Variants in SSH2 observed in about 807,000 individuals in gnomAD.
SSH2 encodes slingshot protein phosphatase 2, also known as protein phosphatase Slingshot homolog 2.
SSH2 carries 37 observed loss-of-function variants against 135.2 expected under a neutral mutation model. The ratio of observed to expected loss-of-function variants is 0.27; its 90% CI spans 0.21 to 0.36. The LOEUF is 0.36. SSH2 is among the 10% of genes least tolerant of loss of function. SSH2 has a pLI of 1.00. For missense variants in SSH2, 1,408 were observed against 1,765.3 expected (o/e 0.80, Z 3.63); for synonymous variants, 628 against 646.2 (o/e 0.97, Z 0.43).
At chr17:29,863,181 A>C (rs1226882487) in intron 1 of SSH2, among the ~76,000 whole-genome samples, 3 of 152,178 alleles carry the variant, frequency 2.0e-5, no homozygotes, top group Admixed American at 1.3e-4. Context: ...ACAACAACAA[A>C]AAAAGATTGC....
At chr17:29,784,238 G>A (rs1156714826) in intron 3 of SSH2, among the ~76,000 whole-genome samples, 2 of 150,736 alleles carry the variant, frequency 1.3e-5, no homozygotes, top group Non-Finnish European at 3.0e-5. Context: ...AATAAAAATA[G>A]GCTGGGCGTG....
At chr17:29,867,510 C>T (rs1362405118) in intron 1 of SSH2, among the ~76,000 whole-genome samples, 1 of 152,118 alleles carries the variant, frequency 6.6e-6, no homozygotes, top group Non-Finnish European at 1.5e-5. Flanking sequence ...AGTATGATCA[C>T]TGTATGTGTG....
At chr17:29,675,238 C>T (rs1217981456) in intron 8 of SSH2, among the ~76,000 whole-genome samples, 1 of 152,150 alleles carries the variant, frequency 6.6e-6, no homozygotes, top group Non-Finnish European at 1.5e-5. Context: ...CTTAATTTTT[C>T]AGTGAGTCTT....
Position 29,725,203 on chromosome 17 carries a change from C to T in SSH2, c.189-22141G>A, listed in dbSNP as rs982268214. Among the ~76,000 whole-genome samples, 5 of 151,362 alleles carry T rather than the reference C, an allele frequency of 3.3e-5. No homozygotes were observed. In the East Asian group the frequency reaches 7.8e-4, roughly 24 times the overall value. On this transcript the variant is annotated intron_variant, in intron 3 of 15. Transcript: ENST00000540801. The stretch of plus-strand genomic sequence containing the variant: ...TCTACTAAAAATACAAAAAATTAGC[C>T]GGGCATGGTGGTGCGTGCCTGTAGT...
chr17:29,633,317 C>T lies in SSH2; in HGVS notation c.2263-386G>A, dbSNP rs8073399. On this transcript the variant is annotated intron_variant, in intron 15 of 15. Coordinates refer to ENST00000540801, the MANE Select transcript of SSH2 (RefSeq NM_001282129.2). ...ACTATAGTAAATGAAACCTTTCCCCCGTGGCCTATCAACTTCTAGTTTGAT... is the reference window on the plus strand; with the variant it reads ...ACTATAGTAAATGAAACCTTTCCCCTGTGGCCTATCAACTTCTAGTTTGAT... Among the ~76,000 whole-genome samples, 965 of 152,300 alleles carry T rather than the reference C, an allele frequency of 6.3e-3. 8 individuals are homozygous for T. The highest frequency in any genetic ancestry group is 0.021 in the African/African-American group (893 of 41,552).
At chr17:29,661,928 T>G (rs572728403) in intron 11 of SSH2, among the ~76,000 whole-genome samples, 18 of 152,138 alleles carry the variant, frequency 1.2e-4, no homozygotes, top group Admixed American at 8.5e-4. Context: ...CAGGTTCAGT[T>G]TGAAAGACCT....
chr17:29,660,944 C>T (rs187706736), intron 11 of SSH2, among the ~76,000 whole-genome samples: 35 of 151,418 alleles, frequency 2.3e-4, no homozygotes, highest in Non-Finnish European at 4.6e-4. Flanking sequence ...GCCTGTAATC[C>T]CAGCTACTTG....
chr17:29,892,596 T>G (rs1180208896), intron 1 of SSH2, among the ~76,000 whole-genome samples: 2 of 152,146 alleles, frequency 1.3e-5, no homozygotes, highest in Non-Finnish European at 2.9e-5. Context: ...CTCATTAACA[T>G]TGTCTCGACC....
At chr17:29,864,488 C>T (rs2065819947) in intron 1 of SSH2, among the ~76,000 whole-genome samples, 1 of 151,574 alleles carries the variant, frequency 6.6e-6, no homozygotes, top group African/African-American at 2.4e-5. Context: ...CCTTGTCTTT[C>T]TAAGTCTTCT....
chr17:29,820,979 C>G (rs540303010), intron 2 of SSH2, among the ~76,000 whole-genome samples: 65 of 152,194 alleles, frequency 4.3e-4, no homozygotes, highest in African/African-American at 1.5e-3. Flanking sequence ...CTCATATGCC[C>G]TCTAAAAGCA....
Position 29,632,150 on chromosome 17 carries a change from C to T in SSH2, c.3044G>A (p.Arg1015Lys). Residue 1015 changes from arginine (R) to lysine (K), a missense_variant, in exon 16 of 16, where the codon AGG (arginine) becomes AAG (lysine). Around this residue, in one of 3 missense-constraint regions of SSH2, gnomAD observed 1,080 missense variants for 1,144.5 expected, o/e 0.94. Transcript: ENST00000540801. The part of the protein sequence containing the change: ...TQQEGVLKDL[R>K]TVIPYQESET... ...AGACTCCTGGTATGGAATCACAGTCCTCAGATCCTTCAGGACTCCTTCCTG... is the reference window on the plus strand; with the variant it reads ...AGACTCCTGGTATGGAATCACAGTCTTCAGATCCTTCAGGACTCCTTCCTG... The T allele has an allele frequency of 6.2e-7, 1 of 1,614,034 alleles. No homozygotes were observed. Among genetic ancestry groups the T allele is most frequent in the Non-Finnish European group, 8.5e-7 (1 of 1,180,004 alleles).
intron 3 of SSH2, among the ~76,000 whole-genome samples, chr17:29,712,733 G>A (rs1021639198): frequency 4.6e-5 from 7 of 152,130 alleles, no homozygotes; most frequent in African/African-American, 1.7e-4. Flanking sequence ...GAATCCGGGA[G>A]GTGGAATTTG....
At position 29,630,750 on chromosome 17, in the gene SSH2, A is replaced by C. The variant is rs544436980; in HGVS notation, c.*91T>G. On this transcript the variant is annotated 3_prime_UTR_variant, in exon 16 of 16. Coordinates refer to ENST00000540801, the MANE Select transcript of SSH2 (RefSeq NM_001282129.2). ...ACAGTAAAATGACCAAAATATTATA[A>C]AATTAACCAATAAAGTGCATGTTCC... 1 of 1,377,446 alleles carries C rather than the reference A, an allele frequency of 7.3e-7. No homozygotes were observed. The highest frequency in any genetic ancestry group is 2.4e-5 in the Admixed American group (1 of 42,002). The allele number at this position is 1,377,446 out of a possible 1,614,324, so 85.3% of individuals were successfully genotyped here.
intron 11 of SSH2, among the ~76,000 whole-genome samples, chr17:29,664,078 A>T (rs2037168443): frequency 6.6e-6 from 1 of 152,368 alleles, no homozygotes; most frequent in East Asian, 1.9e-4. Flanking sequence ...GTACATCTAT[A>T]AATAAAAGTA....
At chr17:29,908,695 C>T (rs535823237) in intron 1 of SSH2, among the ~76,000 whole-genome samples, 68 of 130,130 alleles carry the variant, frequency 5.2e-4, no homozygotes, top group East Asian at 2.3e-3. Context: ...ACCTGGGAGG[C>T]GGAGGTTGCA....
intron 3 of SSH2, among the ~76,000 whole-genome samples, chr17:29,747,470 G>C (rs1035234550): frequency 6.6e-6 from 1 of 152,138 alleles, no homozygotes; most frequent in Admixed American, 6.5e-5. Context: ...TGCAAAAAGG[G>C]TGAGCCCAGA....
At chr17:29,853,288 T>C (rs1172404103) in intron 1 of SSH2, among the ~76,000 whole-genome samples, 1 of 151,608 alleles carries the variant, frequency 6.6e-6, no homozygotes, top group Admixed American at 6.6e-5. Flanking sequence ...GGTTTCACCA[T>C]GTTGACAAGG....
intron 3 of SSH2, among the ~76,000 whole-genome samples, chr17:29,779,122 A>AGGAG (rs980828861): frequency 2.0e-5 from 3 of 152,092 alleles, no homozygotes; most frequent in African/African-American, 7.2e-5. Context: ...AAGGAAGTGA[A>AGGAG]GGAGGGAGGG....
chr17:29,760,394 G>A (rs1398442285), intron 3 of SSH2, among the ~76,000 whole-genome samples: 2 of 152,116 alleles, frequency 1.3e-5, no homozygotes, highest in Non-Finnish European at 2.9e-5. Context: ...ATTGATTTAA[G>A]GATGGAACCT....
Sources: gnomAD v4.1 joint callset for allele counts (sites outside exome capture counted in the v4.1 genomes callset) on GRCh38, gnomAD v4.1.1 for gene constraint, gnomAD v4.1.1 regional missense constraint, MANE v1.5 for transcripts, NCBI Gene and HGNC (gene_info 2026-07-23, HGNC 2026-07-21) for gene names.